SHISA9: variants seen among roughly 807,000 people sequenced by gnomAD.
The protein encoded by SHISA9 is protein shisa-9.
Under a neutral mutation model 38.0 loss-of-function variants are expected in SHISA9, and 13 were observed. The ratio of observed to expected loss-of-function variants is 0.34; its 90% CI spans 0.22 to 0.54. The LOEUF (loss-of-function observed/expected upper bound fraction) is 0.54, where lower values mean the gene tolerates loss of function less well. SHISA9 is among the 20% of genes least tolerant of loss of function. SHISA9 has a pLI of 0.91. For synonymous variants in SHISA9, 275 were observed against 242.0 expected (o/e 1.14, Z -1.27); for missense variants, 538 against 575.8 (o/e 0.93, Z 0.67).
the SHISA9 span, among the ~76,000 whole-genome samples, chr16:13,453,295 T>C: frequency 1.3e-5 from 2 of 152,220 alleles, no homozygotes; most frequent in Non-Finnish European, 2.9e-5. Flanking sequence ...TCGAGATACA[T>C]TGATTGCATT....
intron 2 of SHISA9, among the ~76,000 whole-genome samples, chr16:13,115,542 G>T (rs1026251746): frequency 1.1e-4 from 17 of 152,180 alleles, no homozygotes; most frequent in African/African-American, 3.6e-4. Flanking sequence ...GGTGTTCCTT[G>T]CCCTCATTCC....
At chr16:13,232,907 A>G (rs2051345671) in intron 4 of SHISA9, among the ~76,000 whole-genome samples, 2 of 152,036 alleles carry the variant, frequency 1.3e-5, no homozygotes, top group Admixed American at 1.3e-4. Context: ...AAGGTGCTAG[A>G]CTCTCAGTTA....
chr16:13,172,749 T>C (rs2050697849), intron 2 of SHISA9, among the ~76,000 whole-genome samples: 1 of 151,908 alleles, frequency 6.6e-6, no homozygotes, highest in Non-Finnish European at 1.5e-5. Flanking sequence ...TGATTTTTTT[T>C]TTTTTTTTTT....
At chr16:13,373,778 AAG>A in the SHISA9 span, among the ~76,000 whole-genome samples, 1 of 144,772 alleles carries the variant, frequency 6.9e-6, no homozygotes, top group African/African-American at 2.6e-5. Flanking sequence ...AAAAAAAAAA[AAG>A]ATGGGAGTGA....
At chr16:13,437,163 T>C in the SHISA9 span, among the ~76,000 whole-genome samples, 4 of 151,820 alleles carry the variant, frequency 2.6e-5, no homozygotes, top group African/African-American at 9.7e-5. Flanking sequence ...CCAGAAAAAT[T>C]AGGGATCTTT....
At chr16:12,903,699 ATAAGCTTTAACTG>A (rs1239437785) in intron 1 of SHISA9, among the ~76,000 whole-genome samples, 1 of 152,000 alleles carries the variant, frequency 6.6e-6, no homozygotes, top group African/African-American at 2.4e-5. Flanking sequence ...TGGTTGGGGC[ATAAGCTTTAACTG>A]TCCCCTTTCA....
chr16:13,203,621 T>C (rs1473777405), intron 3 of SHISA9, 72 bp downstream of exon 3: 1 of 1,354,092 alleles, frequency 7.4e-7, no homozygotes, highest in Non-Finnish European at 9.6e-7. Flanking sequence ...GTAGATCTCT[T>C]TATCTCCAGT....
chr16:13,074,447 T>A (rs946495347), intron 2 of SHISA9, among the ~76,000 whole-genome samples: 1 of 152,164 alleles, frequency 6.6e-6, no homozygotes, highest in Non-Finnish European at 1.5e-5. Flanking sequence ...AACATTTTTT[T>A]AATAGGCTTT....
At chr16:13,371,600 C>A in the SHISA9 span, among the ~76,000 whole-genome samples, 1 of 152,222 alleles carries the variant, frequency 6.6e-6, no homozygotes, top group Admixed American at 6.5e-5. Flanking sequence ...GGTTGAAACA[C>A]TCCTAAGGAA....
the SHISA9 span, among the ~76,000 whole-genome samples, chr16:13,478,172 G>A: frequency 4.9e-4 from 75 of 152,174 alleles, 1 homozygote; most frequent in East Asian, 0.013. Flanking sequence ...GGGTCTTGAC[G>A]GCATCTCATG....
At chr16:13,392,288 T>C in the SHISA9 span, among the ~76,000 whole-genome samples, 1 of 152,212 alleles carries the variant, frequency 6.6e-6, no homozygotes, top group Non-Finnish European at 1.5e-5. Flanking sequence ...TGGAGTGTGA[T>C]GACTTGACAG....
At chr16:12,978,166 A>T (rs867773148) in intron 2 of SHISA9, among the ~76,000 whole-genome samples, 7 of 152,142 alleles carry the variant, frequency 4.6e-5, no homozygotes, top group African/African-American at 1.4e-4. Flanking sequence ...AGAAAATAAA[A>T]TGGAAACCTG....
intron 2 of SHISA9, among the ~76,000 whole-genome samples, chr16:13,135,503 C>T (rs370583528): frequency 1.3e-5 from 2 of 152,194 alleles, no homozygotes; most frequent in African/African-American, 2.4e-5. Flanking sequence ...AGGAGGACAA[C>T]CCCAATGGAC....
At chr16:13,312,428 A>G in the SHISA9 span, among the ~76,000 whole-genome samples, 1 of 152,220 alleles carries the variant, frequency 6.6e-6, no homozygotes, top group South Asian at 2.1e-4. Context: ...TGGATTTCAC[A>G]GACACTGAAT....
intron 2 of SHISA9, among the ~76,000 whole-genome samples, chr16:13,146,065 G>T (rs1212675417): frequency 6.6e-6 from 1 of 152,212 alleles, no homozygotes; most frequent in Non-Finnish European, 1.5e-5. Context: ...GTGTGTGCCT[G>T]TGGTCCCGGC....
At chr16:13,145,666 T>C (rs1418152357) in intron 2 of SHISA9, among the ~76,000 whole-genome samples, 1 of 152,188 alleles carries the variant, frequency 6.6e-6, no homozygotes, top group African/African-American at 2.4e-5. Context: ...AGATGAAGTG[T>C]GGAGTACATT....
At chr16:12,946,390 A>G (rs1326565887) in intron 2 of SHISA9, among the ~76,000 whole-genome samples, 3 of 152,234 alleles carry the variant, frequency 2.0e-5, no homozygotes, top group Non-Finnish European at 4.4e-5. Flanking sequence ...AGACAATACC[A>G]GCATGGAGCT....
chr16:13,536,594 C>T, the SHISA9 span, among the ~76,000 whole-genome samples: 2 of 152,096 alleles, frequency 1.3e-5, no homozygotes, highest in African/African-American at 2.4e-5. Flanking sequence ...CTCGGCATTG[C>T]GGAATGGTTA....
intron 2 of SHISA9, among the ~76,000 whole-genome samples, chr16:12,982,892 C>T (rs965729284): frequency 5.3e-5 from 8 of 152,210 alleles, no homozygotes; most frequent in African/African-American, 1.7e-4. Context: ...CTCACACGCT[C>T]GCTTCTAGCT....
Sources: gnomAD v4.1 joint callset for allele counts (sites outside exome capture counted in the v4.1 genomes callset) on GRCh38, gnomAD v4.1.1 for gene constraint, MANE v1.5 for transcripts, NCBI Gene and HGNC (gene_info 2026-07-23, HGNC 2026-07-21) for gene names.